Variants in SLCO2B1 observed in about 807,000 individuals in gnomAD.
The protein encoded by SLCO2B1 is solute carrier organic anion transporter family member 2B1.
In SLCO2B1, 41 loss-of-function variants were observed where a neutral mutation model predicts 67.3. The observed-to-expected ratio is 0.61, with a 90% CI of 0.47 to 0.79. The LOEUF is 0.79. Ranked by LOEUF, SLCO2B1 falls within the 30% of genes least tolerant of loss-of-function variation. The probability of loss-of-function intolerance (pLI) is 0.00; values close to 1 mark genes in which losing one functional copy is unlikely to be tolerated. For missense variants in SLCO2B1, 837 were observed against 920.1 expected (o/e 0.91, Z 1.17); for synonymous variants, 379 against 381.4 (o/e 0.99, Z 0.07).
chr11:75,181,212 T>C (rs1950087803), intron 7 of SLCO2B1, among the ~76,000 whole-genome samples: 1 of 151,424 alleles, frequency 6.6e-6, no homozygotes, highest in African/African-American at 2.4e-5. Flanking sequence ...CTACTAAAAA[T>C]ACGAAAAATT....
chr11:75,196,732 G>A (rs963964464), intron 10 of SLCO2B1, 53 bp downstream of exon 10: 1 of 1,526,606 alleles, frequency 6.6e-7, no homozygotes, highest in Non-Finnish European at 9.0e-7. Flanking sequence ...TGCCTGCCCT[G>A]TCTCTGTGGG....
chr11:75,162,824 A>G lies in SLCO2B1; in HGVS notation c.147+39A>G, dbSNP rs111343445. 8,520 of 1,597,600 alleles carry G rather than the reference A, an allele frequency of 5.3e-3. 34 individuals carry two copies. The highest frequency in any genetic ancestry group is 8.8e-3 in the Middle Eastern group (52 of 5,940). On this transcript the variant is annotated intron_variant, in intron 2 of 13. Transcript: ENST00000289575. ...CCTGGCAGGGGCCTCCGAGTCTAGA[A>G]GAGCAGGCTCTGCCACGTGCTGGTG...
rs535884426 is a variant in SLCO2B1, at chr11:75,193,000, G to A, written c.1076-218G>A. Among the ~76,000 whole-genome samples, 38 of 152,228 alleles carry A rather than the reference G, an allele frequency of 2.5e-4. No individual in the cohort carries two copies. The South Asian group carries it at 6.0e-3, about 24-fold the overall frequency. On this transcript the variant is annotated intron_variant, in intron 8 of 13. Coordinates refer to ENST00000289575, the MANE Select transcript of SLCO2B1 (RefSeq NM_007256.5). ...AGAGGTTGCAGTGAGCTGAGATTGCGCCACTGCACCCCAGCCTGGGCGACA... is the reference window on the plus strand; with the variant it reads ...AGAGGTTGCAGTGAGCTGAGATTGCACCACTGCACCCCAGCCTGGGCGACA...
rs1392024304 is a variant in SLCO2B1 at position 75,193,178 on chromosome 11, G to T, written c.1076-40G>T. 3.3e-6 allele frequency: 5 copies of T among 1,505,252 alleles called. No individual in the cohort carries two copies. The highest frequency in any genetic ancestry group is 3.6e-6 in the Non-Finnish European group (4 of 1,102,308). 93.2% of individuals were successfully genotyped at this position (1,505,252 alleles called of 1,614,324 possible). On this transcript the variant is annotated intron_variant, in intron 8 of 13. Coordinates refer to ENST00000289575, the MANE Select transcript of SLCO2B1 (RefSeq NM_007256.5). The surrounding 1 kb of genome is among the most constrained non-coding windows in gnomAD (Gnocchi z 4.2). The stretch of plus-strand genomic sequence containing the variant: ...AGGGCAGTCTCTGCTGGACAGCTTG[G>T]CTGCCCTGCCTGCCCTGACCTCTGC...
intron 1 of SLCO2B1, among the ~76,000 whole-genome samples, chr11:75,160,479 A>G (rs1801080248): frequency 6.6e-6 from 1 of 152,222 alleles, no homozygotes; most frequent in African/African-American, 2.4e-5. Context: ...TGGAGCCCAG[A>G]CTACAGCAGG....
intron 7 of SLCO2B1, among the ~76,000 whole-genome samples, chr11:75,183,858 G>A (rs1398548077): frequency 6.6e-6 from 1 of 152,196 alleles, no homozygotes; most frequent in African/African-American, 2.4e-5. Flanking sequence ...GCTCGGATCT[G>A]AGTCCTGCCA....
intron 6 of SLCO2B1, among the ~76,000 whole-genome samples, chr11:75,170,335 C>A (rs1949943576): frequency 6.6e-6 from 1 of 152,194 alleles, no homozygotes; most frequent in African/African-American, 2.4e-5. Context: ...CCAGGGGCAC[C>A]ATTTGGGAAA....
rs143528563 is a variant in SLCO2B1, at chr11:75,163,679, T to C, written c.148-284T>C. Among the ~76,000 whole-genome samples the C allele has an allele frequency of 6.6e-5, 10 of 152,192 alleles. No individual in the cohort carries two copies. In the East Asian group the frequency reaches 1.7e-3, roughly 26 times the overall value. ...TACCCAGGATAGCTTTTCTAGTTTT[T>C]AGTCCTGTGTGAGAAGCTGTGAGTT... On this transcript the variant is annotated intron_variant, in intron 2 of 13. Transcript: ENST00000289575.
chr11:75,193,367 G>A lies in SLCO2B1; in HGVS notation c.1225G>A (p.Ala409Thr), dbSNP rs1040286463. The A allele has an allele frequency of 1.7e-5, 27 of 1,613,992 alleles. No individual in the cohort carries two copies. Among genetic ancestry groups the A allele is most frequent in the Non-Finnish European group, 2.2e-5 (26 of 1,180,028 alleles). Residue 409 changes from alanine to threonine, a missense_variant, in exon 9 of 14, where the codon GCC becomes ACC. By Grantham distance (58) the Ala-to-Thr change is moderately conservative. Coordinates refer to ENST00000289575, the MANE Select transcript of SLCO2B1 (RefSeq NM_007256.5). This position sits in a 1 kb window ranked among gnomAD's most constrained non-coding sequence, Gnocchi z 4.2. Reference protein sequence around the residue: ...ERQFSITASYANLLIGCLSFP... With the variant: ...ERQFSITASYTNLLIGCLSFP... ...CCAGTTTTCCATCACAGCCTCCTAC[G>A]CCAACCTGCTCATCGGCTGCCTCTC...
chr11:75,151,451 T>C, intron 1 of SLCO2B1, 54 bp downstream of exon 1: 1 of 1,600,354 alleles, frequency 6.2e-7, no homozygotes, highest in South Asian at 1.1e-5. Flanking sequence ...GGGGGACATG[T>C]TCCCAGAGAA....
rs897391016 is a variant in SLCO2B1, at chr11:75,193,069, A to T, written c.1076-149A>T. On this transcript the variant is annotated intron_variant, in intron 8 of 13. Coordinates refer to ENST00000289575, the MANE Select transcript of SLCO2B1 (RefSeq NM_007256.5). This position sits in a 1 kb window ranked among gnomAD's most constrained non-coding sequence, Gnocchi z 4.2. Reference sequence around the variant, plus strand: ...GACTAGAGTAAATGGAATGGAGTCAAGTGGGATAAAATTGATTGCAATAGA... The same window carrying T: ...GACTAGAGTAAATGGAATGGAGTCATGTGGGATAAAATTGATTGCAATAGA... 24 of 628,988 alleles carry T rather than the reference A, an allele frequency of 3.8e-5. No homozygotes were observed. The highest frequency in any genetic ancestry group is 2.2e-5 in the Non-Finnish European group (8 of 362,616). The allele number at this position is 628,988 out of a possible 1,614,324, so 39.0% of individuals were successfully genotyped here. A position where few individuals can be genotyped will look rare whatever the true frequency, so the allele number is the denominator to read the frequency against.
chr11:75,164,724 A>G (rs1377414257), intron 3 of SLCO2B1, among the ~76,000 whole-genome samples: 1 of 152,096 alleles, frequency 6.6e-6, no homozygotes, highest in East Asian at 1.9e-4. Flanking sequence ...GAGTCCCATG[A>G]AATTCTCCCC....
Position 75,188,257 on chromosome 11 carries a change from G to A in SLCO2B1, c.1075+19G>A. 6.4e-7 allele frequency: 1 copy of A among 1,563,712 alleles called. No individual in the cohort carries two copies. Among genetic ancestry groups the A allele is most frequent in the Non-Finnish European group, 8.8e-7 (1 of 1,134,316 alleles). Reference sequence around the variant, plus strand: ...ATTAAAGGTAAGTCAGCTCAGACCAGGTTATGGGGAGCCAGGGCCAGAGGG... The same window carrying A: ...ATTAAAGGTAAGTCAGCTCAGACCAAGTTATGGGGAGCCAGGGCCAGAGGG... On this transcript the variant is annotated intron_variant, in intron 8 of 13. Transcript: ENST00000289575.
At chr11:75,158,949 A>G (rs761119448) in intron 1 of SLCO2B1, among the ~76,000 whole-genome samples, 5 of 152,080 alleles carry the variant, frequency 3.3e-5, no homozygotes, top group Non-Finnish European at 4.4e-5. Context: ...CTTGCTCCTC[A>G]TCACCCAGAC....
At position 75,165,904 on chromosome 11, in the gene SLCO2B1, C is replaced by G. The variant is rs1401232471; in HGVS notation, c.403C>G (p.Pro135Ala). 1.9e-6 allele frequency: 3 copies of G among 1,614,154 alleles called. No homozygotes were observed. The highest frequency in any genetic ancestry group is 3.3e-5 in the Admixed American group (2 of 60,026). ...VALAGLLMTLPHFISEPYRYD... is the reference protein window; with the variant it reads ...VALAGLLMTLAHFISEPYRYD... The stretch of plus-strand genomic sequence containing the variant: ...CCTGGCGGGCCTGCTCATGACTCTC[C>G]CGCACTTCATCTCGGAGCCATACCG... Residue 135 changes from proline (P) to alanine (A), a missense_variant, in exon 4 of 14, where the codon CCG (proline) becomes GCG (alanine). Pro to Ala is a conservative substitution (Grantham distance 27, BLOSUM62 -1). Transcript: ENST00000289575.
intron 7 of SLCO2B1, among the ~76,000 whole-genome samples, chr11:75,179,348 C>T (rs892444864): frequency 4.7e-5 from 7 of 149,696 alleles, no homozygotes; most frequent in African/African-American, 1.5e-4. Flanking sequence ...TCTCCTGCCT[C>T]AGCCTTCTGA....
At chr11:75,162,604 C>G (rs764455502) in intron 1 of SLCO2B1, 51 bp from the exon 2 acceptor site, 1 of 1,582,970 alleles carries the variant, frequency 6.3e-7, no homozygotes, top group African/African-American at 1.3e-5. Context: ...CAGGTCAGGG[C>G]CATTCTCGGG....
At chr11:75,183,471 C>T (rs748662976) in intron 7 of SLCO2B1, among the ~76,000 whole-genome samples, 2 of 152,180 alleles carry the variant, frequency 1.3e-5, no homozygotes, top group Non-Finnish European at 2.9e-5. Context: ...AAGATGCCTC[C>T]TAATTCTCCA....
rs1220340292 is a variant in SLCO2B1 at position 75,162,764 on chromosome 11, A to G, written c.126A>G (p.Pro42=). ...GCCCAGACCCTCAGGACGTGCGGCC[A>G]AGTGTGTTCCATAACATCAAGGTAC... The part of the protein sequence containing the change: ...KASPDPQDVR[P]SVFHNIKLFV... Residue 42 remains proline, a synonymous_variant, in exon 2 of 14, where the codon CCA becomes CCG. Coordinates refer to ENST00000289575, the MANE Select transcript of SLCO2B1 (RefSeq NM_007256.5). The G allele has an allele frequency of 6.2e-7, 1 of 1,613,984 alleles. No individual in the cohort carries two copies. The highest frequency in any genetic ancestry group is 1.7e-5 in the Admixed American group (1 of 59,986).
Sources: allele counts gnomAD v4.1 joint callset (sites outside exome capture counted in the v4.1 genomes callset), GRCh38; gene constraint gnomAD v4.1.1; non-coding constraint Gnocchi (gnomAD v3.1); transcripts MANE v1.5; gene names NCBI Gene and HGNC (gene_info 2026-07-23, HGNC 2026-07-21).